Variants in GPHN observed in about 807,000 individuals in gnomAD.
GPHN encodes the protein gephyrin.
GPHN carries 17 observed loss-of-function variants against 95.5 expected under a neutral mutation model. The ratio of observed to expected loss-of-function variants is 0.18; its 90% CI spans 0.12 to 0.27. The LOEUF (loss-of-function observed/expected upper bound fraction) is 0.27. Ranked by LOEUF, GPHN falls within the 10% of genes least tolerant of loss-of-function variation. The pLI, the probability that GPHN is intolerant of heterozygous loss-of-function variation, is 1.00. For missense variants in GPHN, 660 were observed against 978.1 expected, an observed-to-expected ratio of 0.67 and a Z score of 4.34; for synonymous variants, 320 against 322.5, an observed-to-expected ratio of 0.99 and a Z score of 0.08.
the GPHN span, among the ~76,000 whole-genome samples, chr14:67,339,648 A>C: frequency 1.3e-5 from 2 of 152,198 alleles, no homozygotes; most frequent in African/African-American, 4.8e-5. Context: ...CTAATTCTCT[A>C]ATGGCGTGAT....
At chr14:67,193,370 T>TATATATCTAGATATATCTAG in the GPHN span, among the ~76,000 whole-genome samples, 16 of 139,554 alleles carry the variant, frequency 1.1e-4, no homozygotes, top group African/African-American at 3.8e-4. Context: ...ATAATCTATC[T>TATATATCTAGATATATCTAG]ATATATCTAG....
the GPHN span, among the ~76,000 whole-genome samples, chr14:67,188,199 T>C: frequency 6.6e-6 from 1 of 152,190 alleles, no homozygotes. Flanking sequence ...GACCTCACTT[T>C]GACAAAGTGC....
the GPHN span, among the ~76,000 whole-genome samples, chr14:67,431,391 C>CA: frequency 0.016 from 1,244 of 77,352 alleles, 205 homozygotes; most frequent in Non-Finnish European, 0.025. Context: ...GACTCTGTCT[C>CA]AAAAAAAAAA....
In GPHN at chr14:66,841,969, C is replaced by T. The variant is rs1036143755; in HGVS notation, c.294+17403C>T. Among the ~76,000 whole-genome samples, 16 of 152,256 alleles carry T rather than the reference C, an allele frequency of 1.1e-4. No homozygotes were observed. The South Asian group carries it at 3.3e-3, about 32-fold the overall frequency. On this transcript the variant is annotated intron_variant, in intron 4 of 22. Coordinates refer to ENST00000478722, the MANE Select transcript of GPHN (RefSeq NM_020806.5). Reference sequence around the variant, plus strand: ...TCGGGAGGCTGAGGCAGGCGAATTGCTTGAACCCAAGAGGCAAGGTTTGCA... The same window carrying T: ...TCGGGAGGCTGAGGCAGGCGAATTGTTTGAACCCAAGAGGCAAGGTTTGCA...
chr14:67,072,552 C>T (rs1216634172), intron 11 of GPHN, among the ~76,000 whole-genome samples: 1 of 151,994 alleles, frequency 6.6e-6, no homozygotes, highest in Admixed American at 6.6e-5. Flanking sequence ...CCCAGTTCTT[C>T]CTTTTATTTA....
At chr14:67,425,305 C>T in the GPHN span, among the ~76,000 whole-genome samples, 3 of 152,202 alleles carry the variant, frequency 2.0e-5, no homozygotes, top group Admixed American at 1.3e-4. Flanking sequence ...AATCCCAACA[C>T]TTTGGGAGGC....
intron 11 of GPHN, among the ~76,000 whole-genome samples, chr14:67,079,913 G>T (rs780507393): frequency 1.3e-5 from 2 of 151,976 alleles, no homozygotes; most frequent in Non-Finnish European, 2.9e-5. Flanking sequence ...TCAAGACCTT[G>T]CTTTTAATTC....
the GPHN span, chr14:67,646,604 A>G: frequency 6.7e-6 from 10 of 1,497,346 alleles, no homozygotes; most frequent in Non-Finnish European, 8.3e-6. Flanking sequence ...GGTGAGAACA[A>G]GAATTCTTGA....
At chr14:66,790,061 G>A (rs566827830) in intron 3 of GPHN, among the ~76,000 whole-genome samples, 137 of 152,304 alleles carry the variant, frequency 9.0e-4, no homozygotes, top group Non-Finnish European at 1.4e-3. Context: ...CCAAAATGGG[G>A]TCTGTGGTGC....
the GPHN span, chr14:67,360,204 CAG>C: frequency 2.5e-6 from 1 of 402,454 alleles, no homozygotes; most frequent in Non-Finnish European, 4.4e-6. Context: ...TAGCGAGAAA[CAG>C]TACTTTTCAG....
the GPHN span, among the ~76,000 whole-genome samples, chr14:67,623,042 T>G: frequency 6.6e-6 from 1 of 152,316 alleles, no homozygotes; most frequent in African/African-American, 2.4e-5. Flanking sequence ...GAGGCTTCAG[T>G]TTATATGGCC....
At chr14:66,689,952 G>A (rs942086184) in intron 2 of GPHN, among the ~76,000 whole-genome samples, 3 of 151,218 alleles carry the variant, frequency 2.0e-5, no homozygotes, top group Middle Eastern at 3.4e-3. Flanking sequence ...TTTTGTCTTC[G>A]TTGGTCTAGC....
chr14:67,131,617 C>T (rs1039514161), intron 17 of GPHN, among the ~76,000 whole-genome samples: 3 of 152,048 alleles, frequency 2.0e-5, no homozygotes, highest in African/African-American at 4.8e-5. Context: ...AGCTTTGTGG[C>T]TGGGTGGTTC....
chr14:67,068,243 A>G (rs1461691797), intron 11 of GPHN, among the ~76,000 whole-genome samples: 1 of 152,188 alleles, frequency 6.6e-6, no homozygotes, highest in Non-Finnish European at 1.5e-5. Flanking sequence ...AAGTGCCTAG[A>G]CGTGTTTGCA....
At chr14:66,879,644 A>G (rs963676318) in intron 4 of GPHN, among the ~76,000 whole-genome samples, 1 of 152,126 alleles carries the variant, frequency 6.6e-6, no homozygotes, top group Non-Finnish European at 1.5e-5. Context: ...CTGAGGCCAC[A>G]TTTTTAGAAT....
chr14:67,238,829 G>A, the GPHN span, among the ~76,000 whole-genome samples: 3 of 152,080 alleles, frequency 2.0e-5, no homozygotes, highest in African/African-American at 7.2e-5. Flanking sequence ...TTTTTGTAGA[G>A]ATGGGTTTTT....
the GPHN span, among the ~76,000 whole-genome samples, chr14:67,269,162 T>C: frequency 6.6e-6 from 1 of 152,246 alleles, no homozygotes; most frequent in Non-Finnish European, 1.5e-5. Context: ...CTTTAAATCC[T>C]GTTTGTAGGG....
At chr14:66,739,732 G>A (rs2072631705) in intron 2 of GPHN, among the ~76,000 whole-genome samples, 3 of 151,920 alleles carry the variant, frequency 2.0e-5, no homozygotes, top group African/African-American at 7.3e-5. Context: ...AGGAAATGAA[G>A]TACTATGAAT....
At chr14:67,583,482 CTG>C in the GPHN span, among the ~76,000 whole-genome samples, 2 of 152,296 alleles carry the variant, frequency 1.3e-5, no homozygotes, top group Non-Finnish European at 2.9e-5. Flanking sequence ...TACCAATTAA[CTG>C]TGTCTTTGGA....
Sources: allele counts gnomAD v4.1 joint callset (sites outside exome capture counted in the v4.1 genomes callset), GRCh38; gene constraint gnomAD v4.1.1; transcripts MANE v1.5; gene names NCBI Gene and HGNC (gene_info 2026-07-23, HGNC 2026-07-21).